SEMA5B: variants seen among roughly 807,000 people sequenced by gnomAD.
SEMA5B encodes semaphorin 5B.
A neutral mutation model predicts 135.0 loss-of-function variants in SEMA5B; 66 were observed. That is an observed-to-expected ratio of 0.49 (90% CI 0.40 to 0.60). The LOEUF (loss-of-function observed/expected upper bound fraction) is 0.60, where lower values mean the gene tolerates loss of function less well. Among genes scored for constraint, SEMA5B ranks in the 20% least tolerant of loss-of-function variants. The pLI, the probability that SEMA5B is intolerant of heterozygous loss-of-function variation, is 0.00. For synonymous variants in SEMA5B, 690 were observed against 639.5 expected (o/e 1.08, Z -1.19); for missense variants, 1,501 against 1,566.3 (o/e 0.96, Z 0.70).
Position 122,943,886 on chromosome 3 carries a change from A to G in SEMA5B, c.329-351T>C, listed in dbSNP as rs146381334. ...TCTACACTGCCTCTGAAATCCATCC[A>G]CTTTTTTCCCACTGTATCCCACCTA... On this transcript the variant is annotated intron_variant, in intron 3 of 22. Coordinates refer to ENST00000357599, the MANE Select transcript of SEMA5B (RefSeq NM_001031702.4). Among the ~76,000 whole-genome samples the G allele has an allele frequency of 2.8e-3, 425 of 152,138 alleles. 3 individuals carry two copies. The highest frequency in any genetic ancestry group is 8.5e-3 in the African/African-American group (351 of 41,480).
At chr3:122,911,254 G>T in intron 21 of SEMA5B, 1 of 1,231,038 alleles carries the variant, frequency 8.1e-7, no homozygotes, top group Non-Finnish European at 1.1e-6. Context: ...GTCAGAGGTG[G>T]CAACCAGAGG....
intron 2 of SEMA5B, among the ~76,000 whole-genome samples, chr3:122,956,560 G>A (rs890447456): frequency 6.6e-6 from 1 of 152,190 alleles, no homozygotes; most frequent in African/African-American, 2.4e-5. Flanking sequence ...CCTCTGCTCA[G>A]GGGCGAAGGA....
chr3:123,007,194 C>T (rs1353309846), intron 1 of SEMA5B, among the ~76,000 whole-genome samples: 2 of 152,106 alleles, frequency 1.3e-5, no homozygotes, highest in Non-Finnish European at 2.9e-5. Context: ...TCCTTCTGCC[C>T]CACTCAGTGT....
chr3:122,982,500 A>G (rs897448699), intron 1 of SEMA5B, among the ~76,000 whole-genome samples: 5 of 152,210 alleles, frequency 3.3e-5, no homozygotes, highest in African/African-American at 1.2e-4. Flanking sequence ...GCTACTTTGC[A>G]TGATTTCTGC....
In SEMA5B at chr3:122,927,977, C is replaced by T. The variant is rs924340657; in HGVS notation, c.663G>A (p.Glu221=). ...RQVGNLSRTI[E]KINGVARCPY... is the part of the protein sequence containing the mutation. ...GGCAGCGGGCCACACCATTGATCTT[C>T]TCAATAGTCCGGCTGAGGTTCCCCA... is the stretch of plus-strand genomic sequence containing the variant. The change falls in exon 8 of 23, where the codon GAG becomes GAA. Residue 221 remains glutamate (E), a synonymous_variant. Transcript: ENST00000357599. The T allele has an allele frequency of 1.3e-6, 2 of 1,506,620 alleles. No homozygotes were observed. Among genetic ancestry groups the T allele is most frequent in the Non-Finnish European group, 1.8e-6 (2 of 1,123,352 alleles). 93.3% of individuals were successfully genotyped at this position (1,506,620 alleles called of 1,614,324 possible). A position where few individuals can be genotyped will look rare whatever the true frequency, so the allele number is the denominator to read the frequency against.
intron 1 of SEMA5B, among the ~76,000 whole-genome samples, chr3:122,985,899 C>G (rs1941682699): frequency 6.6e-6 from 1 of 152,184 alleles, no homozygotes; most frequent in Non-Finnish European, 1.5e-5. Context: ...GAGAGAGAAG[C>G]TTGTCCCAAT....
At chr3:122,912,784 G>C in intron 18 of SEMA5B, 59 bp downstream of exon 18, 1 of 1,450,426 alleles carries the variant, frequency 6.9e-7, no homozygotes, top group Non-Finnish European at 9.3e-7. Context: ...GGGCGGGGAA[G>C]GGGGCCTCCA....
chr3:123,021,737 G>A (rs1942684517), intron 1 of SEMA5B, among the ~76,000 whole-genome samples: 1 of 152,230 alleles, frequency 6.6e-6, no homozygotes, highest in Non-Finnish European at 1.5e-5. Context: ...ACTGCGGACA[G>A]AACTGCGGTT....
chr3:122,965,938 G>T (rs1390705221), intron 1 of SEMA5B, among the ~76,000 whole-genome samples: 1 of 152,222 alleles, frequency 6.6e-6, no homozygotes, highest in East Asian at 1.9e-4. Context: ...GACAGTGGGA[G>T]CTCAGCCGAC....
intron 1 of SEMA5B, among the ~76,000 whole-genome samples, chr3:122,980,011 CTGA>C (rs1190333815): frequency 2.6e-5 from 4 of 152,212 alleles, no homozygotes; most frequent in African/African-American, 9.6e-5. Flanking sequence ...TTGGAAGCTG[CTGA>C]TGTTACCCAC....
At chr3:123,020,519 G>C (rs1174613375) in intron 1 of SEMA5B, among the ~76,000 whole-genome samples, 1 of 152,248 alleles carries the variant, frequency 6.6e-6, no homozygotes, top group East Asian at 1.9e-4. Context: ...CAGTAGCTAT[G>C]ATCTGGATGC....
intron 5 of SEMA5B, among the ~76,000 whole-genome samples, chr3:122,932,293 C>T (rs1939017589): frequency 8.1e-6 from 1 of 123,410 alleles, no homozygotes; most frequent in Non-Finnish European, 1.6e-5. Context: ...TTGCTCTGTC[C>T]CCCAGGCTGG....
intron 1 of SEMA5B, among the ~76,000 whole-genome samples, chr3:122,982,672 C>T (rs912610589): frequency 2.0e-5 from 3 of 152,152 alleles, no homozygotes; most frequent in Non-Finnish European, 4.4e-5. Context: ...CCATGCAGCC[C>T]AGATCCCTTC....
At chr3:122,997,629 C>A (rs555375853) in intron 1 of SEMA5B, among the ~76,000 whole-genome samples, 1 of 152,214 alleles carries the variant, frequency 6.6e-6, no homozygotes, top group South Asian at 2.1e-4. Flanking sequence ...AGGGCAGGAC[C>A]CAGACAAATG....
Position 122,913,993 on chromosome 3 carries a change from GC to G in SEMA5B, c.1996del (p.Ala666ArgfsTer120). 1 of 1,591,636 alleles carries G rather than the reference GC, an allele frequency of 6.3e-7. No individual in the cohort carries two copies. Among genetic ancestry groups the G allele is most frequent in the Non-Finnish European group, 8.6e-7 (1 of 1,168,820 alleles). On this transcript the variant is annotated frameshift_variant, in exon 15 of 23. Transcript: ENST00000357599. LOFTEE classifies it high-confidence loss of function. Reference sequence around the variant, plus strand: ...CGCCCACGATGACCACGGGGTCCACGCCCCATTCCTGGCGGGGTGGGAGGGG... The same window carrying G: ...CGCCCACGATGACCACGGGGTCCACGCCCATTCCTGGCGGGGTGGGAGGGG... The part of the protein sequence containing the change: ...IHIANCSRNG[A>X]WTPWSSWALC...
intron 2 of SEMA5B, among the ~76,000 whole-genome samples, chr3:122,949,592 T>C: frequency 6.6e-6 from 1 of 152,250 alleles, no homozygotes; most frequent in Non-Finnish European, 1.5e-5. Context: ...TCAGATCTCC[T>C]TTATAATACT....
chr3:122,936,025 A>G (rs1217884043), intron 5 of SEMA5B, among the ~76,000 whole-genome samples: 1 of 152,040 alleles, frequency 6.6e-6, no homozygotes, highest in Admixed American at 6.5e-5. Context: ...AGAATGCATA[A>G]TCTCTTCTTC....
At chr3:122,910,403 C>A (rs969618969) in intron 22 of SEMA5B, 102 bp from the exon 23 acceptor site, 71 of 1,234,214 alleles carry the variant, frequency 5.8e-5, no homozygotes, top group Non-Finnish European at 7.0e-5. Flanking sequence ...CAAGAACACT[C>A]AGACTGCGGA....
At chr3:122,981,056 A>T (rs1325854999) in intron 1 of SEMA5B, among the ~76,000 whole-genome samples, 1 of 152,250 alleles carries the variant, frequency 6.6e-6, no homozygotes, top group Admixed American at 6.5e-5. Flanking sequence ...GAATGGACAT[A>T]GTTACTGGAG....
Sources: allele counts gnomAD v4.1 joint callset (sites outside exome capture counted in the v4.1 genomes callset), GRCh38; gene constraint gnomAD v4.1.1; transcripts MANE v1.5; gene names NCBI Gene and HGNC (gene_info 2026-07-23, HGNC 2026-07-21).